The following FBXL17 variants were observed in gnomAD, a reference collection of about 807,000 sequenced individuals.
The protein encoded by FBXL17 is F-box/LRR-repeat protein 17.
A neutral mutation model predicts 66.2 loss-of-function variants in FBXL17; 22 were observed. That is an observed-to-expected ratio of 0.33 (90% CI 0.24 to 0.47). FBXL17 has a LOEUF of 0.47. FBXL17 is among the 20% of genes least tolerant of loss of function. FBXL17 has a pLI of 1.00. For missense variants in FBXL17, 878 were observed against 948.2 expected, an observed-to-expected ratio of 0.93 and a Z score of 0.97; for synonymous variants, 474 against 400.5, an observed-to-expected ratio of 1.18 and a Z score of -2.19.
intron 7 of FBXL17, among the ~76,000 whole-genome samples, chr5:107,991,826 C>T (rs964898545): frequency 2.6e-5 from 4 of 152,128 alleles, no homozygotes; most frequent in Non-Finnish European, 5.9e-5. Flanking sequence ...CTTTCATTAG[C>T]TTGGAAAATG....
At chr5:108,199,526 C>T (rs545115562) in intron 5 of FBXL17, among the ~76,000 whole-genome samples, 1 of 152,112 alleles carries the variant, frequency 6.6e-6, no homozygotes, top group South Asian at 2.1e-4. Context: ...GAACTTGTAG[C>T]TTTATTAGTC....
chr5:108,309,105 A>G (rs1485989081), intron 4 of FBXL17, among the ~76,000 whole-genome samples: 2 of 152,074 alleles, frequency 1.3e-5, no homozygotes, highest in Non-Finnish European at 2.9e-5. Context: ...ATGAAACATA[A>G]TTAATTGGTC....
chr5:107,879,857 G>A, intron 8 of FBXL17: 1 of 985,446 alleles, frequency 1.0e-6, no homozygotes, highest in African/African-American at 1.7e-5. Flanking sequence ...GCCACAGACT[G>A]CCCCCTGGGT....
At chr5:108,051,103 C>A (rs1661956848) in intron 6 of FBXL17, among the ~76,000 whole-genome samples, 1 of 152,132 alleles carries the variant, frequency 6.6e-6, no homozygotes, top group Admixed American at 6.6e-5. Context: ...AATAGCCTAC[C>A]AACCAAAGAA....
chr5:108,267,092 T>C (rs1453449281), intron 4 of FBXL17, among the ~76,000 whole-genome samples: 1 of 152,096 alleles, frequency 6.6e-6, no homozygotes, highest in South Asian at 2.1e-4. Flanking sequence ...CATTCAGATA[T>C]TGTCAAATTT....
In FBXL17 at chr5:108,381,864, G is replaced by T; in HGVS notation, c.-173C>A. 7.7e-7 allele frequency: 1 copy of T among 1,293,506 alleles called. No homozygotes were observed. Among genetic ancestry groups the T allele is most frequent in the Non-Finnish European group, 9.8e-7 (1 of 1,021,078 alleles). The allele number at this position is 1,293,506 out of a possible 1,614,324, so 80.1% of individuals were successfully genotyped here. A position where few individuals can be genotyped will look rare whatever the true frequency, so the allele number is the denominator to read the frequency against. On this transcript the variant is annotated 5_prime_UTR_variant, in exon 1 of 9. Transcript: ENST00000542267. ...CGACGGTGGGGGGTGGGCGTCAGCT[G>T]CGGGCCGCCGGAGTGCCCGACGGGG...
chr5:107,878,996 C>T (rs2112497919), intron 8 of FBXL17: 1 of 985,456 alleles, frequency 1.0e-6, no homozygotes, highest in Non-Finnish European at 1.2e-6. Context: ...AGGGATACAG[C>T]TAATCTGAAT....
In FBXL17 at chr5:108,352,217, G is replaced by A. The variant is rs193118859; in HGVS notation, c.1375-3687C>T. 9.8e-4 allele frequency among the ~76,000 whole-genome samples: 149 copies of A among 152,272 alleles called. 1 individual carries two copies. The highest frequency in any genetic ancestry group is 3.2e-4 in the Non-Finnish European group (22 of 68,024). On this transcript the variant is annotated intron_variant, in intron 3 of 8. Coordinates refer to ENST00000542267, the MANE Select transcript of FBXL17 (RefSeq NM_001163315.3). ...GTTTTAGACATCACTGGATATAACC[G>A]GCAAGACCAGACCCAAATCAGTGCC...
Position 108,050,917 on chromosome 5 carries a change from A to G in FBXL17, c.1746-29916T>C, listed in dbSNP as rs140199849. Among the ~76,000 whole-genome samples the G allele has an allele frequency of 1.0e-3, 156 of 152,272 alleles. 1 individual carries two copies. The South Asian group carries it at 0.013, about 13-fold the overall frequency. ...GATATCAGTTGATATCACCACTGATACCACAGAAATACAAAATACTATCAG... is the reference window on the plus strand; with the variant it reads ...GATATCAGTTGATATCACCACTGATGCCACAGAAATACAAAATACTATCAG... On this transcript the variant is annotated intron_variant, in intron 6 of 8. Transcript: ENST00000542267.
chr5:108,375,124 T>C (rs747660381), intron 1 of FBXL17, among the ~76,000 whole-genome samples: 8 of 152,054 alleles, frequency 5.3e-5, no homozygotes, highest in Non-Finnish European at 1.0e-4. Context: ...GAAGCCAAAG[T>C]GGGAGGACTG....
intron 7 of FBXL17, among the ~76,000 whole-genome samples, chr5:107,943,258 T>C (rs1460111985): frequency 1.3e-5 from 2 of 152,132 alleles, no homozygotes; most frequent in African/African-American, 4.8e-5. Context: ...CCCTTTCCAT[T>C]CAGTATGCCA....
At chr5:107,892,127 GA>G (rs1749214915) in intron 7 of FBXL17, among the ~76,000 whole-genome samples, 1 of 151,872 alleles carries the variant, frequency 6.6e-6, no homozygotes, top group Non-Finnish European at 1.5e-5. Context: ...ATACTGAAAG[GA>G]AAAAACAAAA....
At chr5:108,070,656 T>C (rs545846834) in intron 6 of FBXL17, among the ~76,000 whole-genome samples, 2 of 152,302 alleles carry the variant, frequency 1.3e-5, no homozygotes, top group Admixed American at 6.5e-5. Context: ...TCTGAAAACA[T>C]AGATATAAAG....
chr5:108,272,079 A>C (rs758659691), intron 4 of FBXL17, among the ~76,000 whole-genome samples: 1 of 152,150 alleles, frequency 6.6e-6, no homozygotes, highest in African/African-American at 2.4e-5. Flanking sequence ...TCACGAGGTC[A>C]TGAGATCGAG....
intron 5 of FBXL17, among the ~76,000 whole-genome samples, chr5:108,203,899 T>C (rs752950594): frequency 2.6e-5 from 4 of 152,164 alleles, no homozygotes; most frequent in Non-Finnish European, 5.9e-5. Context: ...AAAAAATCAA[T>C]TTTGTTTTCC....
chr5:108,092,655 T>A (rs756300108), intron 6 of FBXL17, among the ~76,000 whole-genome samples: 2 of 152,086 alleles, frequency 1.3e-5, no homozygotes, highest in African/African-American at 4.8e-5. Context: ...TTAACAAAAT[T>A]TGGAGTTGTT....
At position 108,186,110 on chromosome 5, in the gene FBXL17, T is replaced by C; in HGVS notation, c.1745+7A>G. On this transcript the variant is annotated splice_region_variant and intron_variant, in intron 6 of 8. Coordinates refer to ENST00000542267, the MANE Select transcript of FBXL17 (RefSeq NM_001163315.3). Reference sequence around the variant, plus strand: ...GAAAAGTATTTTTAACATGTTACAATGGTTACCTGTCATTTATGATCCAGT... The same window carrying C: ...GAAAAGTATTTTTAACATGTTACAACGGTTACCTGTCATTTATGATCCAGT... 2 of 1,604,612 alleles carry C rather than the reference T, an allele frequency of 1.2e-6. No homozygotes were observed. Among genetic ancestry groups the C allele is most frequent in the East Asian group, 2.2e-5 (1 of 44,710 alleles).
At chr5:108,135,317 A>G (rs1426554013) in intron 6 of FBXL17, among the ~76,000 whole-genome samples, 1 of 152,132 alleles carries the variant, frequency 6.6e-6, no homozygotes, top group African/African-American at 2.4e-5. Context: ...TTCAATACGA[A>G]CTAGGAGTGA....
At chr5:108,264,788 G>A (rs1756979734) in intron 4 of FBXL17, among the ~76,000 whole-genome samples, 1 of 151,638 alleles carries the variant, frequency 6.6e-6, no homozygotes, top group Non-Finnish European at 1.5e-5. Context: ...TAGTATGAAA[G>A]TGCCAATTAT....
Sources: gnomAD v4.1 joint callset for allele counts (sites outside exome capture counted in the v4.1 genomes callset) on GRCh38, gnomAD v4.1.1 for gene constraint, MANE v1.5 for transcripts, NCBI Gene and HGNC (gene_info 2026-07-23, HGNC 2026-07-21) for gene names.